ANKRD62: variants seen among roughly 807,000 people sequenced by gnomAD.
ANKRD62 encodes the protein ankyrin repeat domain-containing protein 62.
A neutral mutation model predicts 98.8 loss-of-function variants in ANKRD62; 61 were observed. The ratio of observed to expected loss-of-function variants is 0.62; its 90% CI spans 0.50 to 0.76. The LOEUF (loss-of-function observed/expected upper bound fraction) is 0.76, where lower values mean the gene tolerates loss of function less well. Among genes scored for constraint, ANKRD62 ranks in the 30% least tolerant of loss-of-function variants. The pLI is 0.00. For synonymous variants in ANKRD62, 341 were observed against 367.9 expected (o/e 0.93, Z 0.84); for missense variants, 933 against 1,082.9 (o/e 0.86, Z 1.94).
intron 5 of ANKRD62, chr18:12,098,299 A>C (rs1909225627): frequency 6.6e-6 from 1 of 152,310 alleles, no homozygotes; most frequent in South Asian, 2.1e-4. Flanking sequence ...AGTTTTTAAA[A>C]TATCTTCAAA....
At position 12,103,187 on chromosome 18, in the gene ANKRD62, G is replaced by C; in HGVS notation, c.850G>C (p.Glu284Gln). 2 of 1,377,230 alleles carry C rather than the reference G, an allele frequency of 1.5e-6. No homozygotes were observed. Among genetic ancestry groups the C allele is most frequent in the Middle Eastern group, 2.2e-4 (1 of 4,492 alleles). The allele number at this position is 1,377,230 out of a possible 1,614,324, so 85.3% of individuals were successfully genotyped here. A position where few individuals can be genotyped will look rare whatever the true frequency, so the allele number is the denominator to read the frequency against. ...AGACTTAGAAATGACATCAGAGGGA[G>C]AGCAAGAAAGGCTTGAAGGATGTGA... ...EQDLEMTSEG[E>Q]QERLEGCESS... The change falls in exon 7 of 14, where the codon GAG becomes CAG. Residue 284 changes from glutamate to glutamine, a missense_variant. Transcript: ENST00000587848.
At chr18:12,103,522 G>C (rs1333512717) in intron 7 of ANKRD62, among the ~76,000 whole-genome samples, 2 of 151,926 alleles carry the variant, frequency 1.3e-5, no homozygotes, top group East Asian at 3.9e-4. Flanking sequence ...ATAATTTTAA[G>C]CAATAAAAAT....
At chr18:12,123,115 C>T (rs1390653581) in intron 11 of ANKRD62, among the ~76,000 whole-genome samples, 4 of 152,122 alleles carry the variant, frequency 2.6e-5, no homozygotes, top group Admixed American at 6.6e-5. Flanking sequence ...GCGGCGAAAT[C>T]TCGGCTCACT....
chr18:12,111,422 C>T (rs1325005505), intron 8 of ANKRD62, among the ~76,000 whole-genome samples: 1 of 152,048 alleles, frequency 6.6e-6, no homozygotes, highest in Admixed American at 6.6e-5. Context: ...ATAATAAGAG[C>T]CGTATATGAC....
At chr18:12,158,901 T>A in the ANKRD62 span, among the ~76,000 whole-genome samples, 1 of 152,156 alleles carries the variant, frequency 6.6e-6, no homozygotes, top group Non-Finnish European at 1.5e-5. Context: ...GTGCTTCGTT[T>A]GCCATTTGAG....
At chr18:12,153,463 A>G in the ANKRD62 span, among the ~76,000 whole-genome samples, 5 of 151,808 alleles carry the variant, frequency 3.3e-5, no homozygotes, top group African/African-American at 1.2e-4. Context: ...GTGGTGGTGC[A>G]CACCTGTAAC....
chr18:12,096,132 G>A (rs745608007), intron 3 of ANKRD62, 64 bp from the exon 4 acceptor site: 41 of 1,109,336 alleles, frequency 3.7e-5, no homozygotes, highest in Non-Finnish European at 4.9e-5. Context: ...TTAACATAAG[G>A]TTTTCAGTTC....
At chr18:12,124,584 A>G (rs1909849757) in intron 12 of ANKRD62, among the ~76,000 whole-genome samples, 1 of 152,172 alleles carries the variant, frequency 6.6e-6, no homozygotes, top group Admixed American at 6.5e-5. Context: ...GTTCCTAGTG[A>G]CATAGTTCAG....
At chr18:12,115,601 G>T in intron 10 of ANKRD62, 67 bp downstream of exon 10, 3 of 1,369,824 alleles carry the variant, frequency 2.2e-6, no homozygotes, top group Non-Finnish European at 2.9e-6. Flanking sequence ...ATATTGCTTA[G>T]CACGGCACCA....
chr18:12,099,473 G>A, intron 5 of ANKRD62, 142 bp from the exon 6 acceptor site: 2 of 470,556 alleles, frequency 4.3e-6, no homozygotes, highest in Non-Finnish European at 3.6e-6. Flanking sequence ...CTTAATAAGA[G>A]TTTTGTAGAG....
chr18:12,161,471 A>G, the ANKRD62 span, among the ~76,000 whole-genome samples: 4 of 92,416 alleles, frequency 4.3e-5, no homozygotes, highest in Non-Finnish European at 7.7e-5. Flanking sequence ...CAGGCGTGCA[A>G]TGCATAATAG....
At chr18:12,181,461 T>C in the ANKRD62 span, among the ~76,000 whole-genome samples, 5 of 151,858 alleles carry the variant, frequency 3.3e-5, no homozygotes, top group African/African-American at 9.7e-5. Flanking sequence ...AGCATGTATC[T>C]TGGCTGCTTA....
At chr18:12,158,932 T>C in the ANKRD62 span, among the ~76,000 whole-genome samples, 1 of 152,256 alleles carries the variant, frequency 6.6e-6, no homozygotes, top group East Asian at 1.9e-4. Flanking sequence ...ATATATATGA[T>C]TTTAAAGGTA....
At chr18:12,169,767 C>A in the ANKRD62 span, among the ~76,000 whole-genome samples, 2 of 152,012 alleles carry the variant, frequency 1.3e-5, no homozygotes, top group Non-Finnish European at 2.9e-5. Flanking sequence ...TGGTCCTGGA[C>A]TTTTTTTGGT....
chr18:12,118,780 C>T (rs952543936), intron 10 of ANKRD62, among the ~76,000 whole-genome samples: 25 of 152,000 alleles, frequency 1.6e-4, no homozygotes, highest in Admixed American at 1.4e-3. Flanking sequence ...TATTCATTCA[C>T]GTATTGGAGG....
the ANKRD62 span, among the ~76,000 whole-genome samples, chr18:12,150,508 T>G: frequency 6.6e-6 from 1 of 152,200 alleles, no homozygotes; most frequent in African/African-American, 2.4e-5. Flanking sequence ...CATCAGATTT[T>G]CCAAGGTCCA....
intron 6 of ANKRD62, among the ~76,000 whole-genome samples, chr18:12,100,637 A>T (rs571622045): frequency 6.6e-6 from 1 of 152,322 alleles, no homozygotes; most frequent in East Asian, 1.9e-4. Flanking sequence ...TTTTTTAAAG[A>T]TACCTACTGT....
Position 12,118,574 on chromosome 18 carries a change from A to G in ANKRD62, c.1240+3040A>G, listed in dbSNP as rs960012165. 6.3e-4 allele frequency among the ~76,000 whole-genome samples: 94 copies of G among 148,766 alleles called. 1 individual carries two copies. The highest frequency in any genetic ancestry group is 3.5e-3 in the Middle Eastern group (1 of 288). ...CAGTGAGCCAAGTTTGTGTCATCGC[A>G]CTCCAGTCTCGGAGACAGAGTAAGG... On this transcript the variant is annotated intron_variant, in intron 10 of 13. Transcript: ENST00000587848.
downstream of ANKRD62, among the ~76,000 whole-genome samples, chr18:12,130,808 C>G (rs553873160): frequency 2.6e-5 from 4 of 152,190 alleles, no homozygotes; most frequent in South Asian, 4.2e-4. Flanking sequence ...TCCCCTGCCC[C>G]AGCCTCCCAA....
Sources: gnomAD v4.1 joint callset for allele counts (sites outside exome capture counted in the v4.1 genomes callset) on GRCh38, gnomAD v4.1.1 for gene constraint, MANE v1.5 for transcripts, NCBI Gene and HGNC (gene_info 2026-07-23, HGNC 2026-07-21) for gene names.